CLVS2: variants seen among roughly 807,000 people sequenced by gnomAD.
CLVS2 encodes the protein clavesin-2.
Under a neutral mutation model 29.0 loss-of-function variants are expected in CLVS2, and 19 were observed. The observed-to-expected ratio is 0.66, with a 90% CI of 0.46 to 0.96. The LOEUF (loss-of-function observed/expected upper bound fraction) is 0.96. Among genes scored for constraint, CLVS2 ranks in the 40% least tolerant of loss-of-function variants. The pLI is 0.00. For missense variants in CLVS2, 294 were observed against 404.1 expected, an observed-to-expected ratio of 0.73 and a Z score of 2.34; for synonymous variants, 161 against 151.3, an observed-to-expected ratio of 1.06 and a Z score of -0.47.
chr6:122,997,568 G>A lies in CLVS2; in HGVS notation c.-210G>A. ...TGTATTTTAGGGGGCAGAGGAAGAA[G>A]TTTACACCCCCCGGCCCCCCCAGCT... On this transcript the variant is annotated 5_prime_UTR_variant, in exon 2 of 6. Coordinates refer to ENST00000275162, the MANE Select transcript of CLVS2 (RefSeq NM_001010852.4). 1 of 605,234 alleles carries A rather than the reference G, an allele frequency of 1.7e-6. No individual in the cohort carries two copies. Among genetic ancestry groups the A allele is most frequent in the Non-Finnish European group, 3.0e-6 (1 of 336,522 alleles). The allele number at this position is 605,234 out of a possible 1,614,324, so 37.5% of individuals were successfully genotyped here.
chr6:123,012,365 T>C (rs1774761298), intron 3 of CLVS2, among the ~76,000 whole-genome samples: 1 of 152,006 alleles, frequency 6.6e-6, no homozygotes, highest in South Asian at 2.1e-4. Flanking sequence ...CTGTGTTACC[T>C]AACACAGAAT....
intron 5 of CLVS2, among the ~76,000 whole-genome samples, chr6:123,059,992 T>G (rs1772752158): frequency 6.6e-6 from 1 of 152,194 alleles, no homozygotes; most frequent in African/African-American, 2.4e-5. Flanking sequence ...TATGGAAAAC[T>G]GAAAAATGAG....
intron 5 of CLVS2, among the ~76,000 whole-genome samples, chr6:123,056,305 C>T (rs996530016): frequency 5.9e-5 from 9 of 152,052 alleles, no homozygotes; most frequent in African/African-American, 2.2e-4. Flanking sequence ...TGATAGATCT[C>T]CCAAACTTAT....
intron 2 of CLVS2, among the ~76,000 whole-genome samples, chr6:123,007,499 C>A (rs1015203861): frequency 1.3e-5 from 2 of 152,104 alleles, no homozygotes; most frequent in African/African-American, 4.8e-5. Flanking sequence ...TCCTACTGTG[C>A]AAGGAAGACT....
At chr6:123,055,642 A>G (rs1212350271) in intron 4 of CLVS2, among the ~76,000 whole-genome samples, 164 bp from the exon 5 acceptor site, 1 of 152,184 alleles carries the variant, frequency 6.6e-6, no homozygotes, top group Admixed American at 6.5e-5. Flanking sequence ...GGATAACAGT[A>G]CCAGCTCTGC....
intron 4 of CLVS2, among the ~76,000 whole-genome samples, chr6:123,049,776 A>C (rs989148803): frequency 2.7e-5 from 4 of 146,246 alleles, no homozygotes; most frequent in Non-Finnish European, 6.0e-5. Context: ...AGGAAGGGGA[A>C]TATCACACAC....
At chr6:123,038,541 C>T (rs1021314598) in intron 3 of CLVS2, among the ~76,000 whole-genome samples, 1 of 152,014 alleles carries the variant, frequency 6.6e-6, no homozygotes, top group Non-Finnish European at 1.5e-5. Flanking sequence ...CATTTCAGAA[C>T]ATTTGCAAAA....
At position 123,032,014 on chromosome 6, in the gene CLVS2, C is replaced by T. The variant is rs1582654757; in HGVS notation, c.565-16608C>T. ...ACTTTTTTGGGCAATTATTTCTATT[C>T]TTTTAAAAATTATTCTTTTAGCCCA... On this transcript the variant is annotated intron_variant, in intron 3 of 5. Coordinates refer to ENST00000275162, the MANE Select transcript of CLVS2 (RefSeq NM_001010852.4). Among the ~76,000 whole-genome samples, 8 of 152,126 alleles carry T rather than the reference C, an allele frequency of 5.3e-5. 1 individual carries two copies. The South Asian group carries it at 1.7e-3, about 32-fold the overall frequency.
rs889674638 is a variant in CLVS2 at position 122,996,526 on chromosome 6, C to T, written c.-780C>T. 4 of 152,826 alleles carry T rather than the reference C, an allele frequency of 2.6e-5. No individual in the cohort carries two copies. Among genetic ancestry groups the T allele is most frequent in the African/African-American group, 7.2e-5 (3 of 41,456 alleles). The allele number at this position is 152,826 out of a possible 1,614,324, so 9.5% of individuals were successfully genotyped here. ...CCCTAGCCCTGCGATCCTCACCCCT[C>T]CTGCTAGGAGAGGCTGCGGGCTGCC... On this transcript the variant is annotated 5_prime_UTR_variant, in exon 1 of 6. Coordinates refer to ENST00000275162, the MANE Select transcript of CLVS2 (RefSeq NM_001010852.4).
chr6:123,042,766 G>A (rs1775251202), intron 3 of CLVS2, among the ~76,000 whole-genome samples: 1 of 152,164 alleles, frequency 6.6e-6, no homozygotes, highest in Admixed American at 6.5e-5. Context: ...CTGTCCACTA[G>A]TGATAATGAG....
At chr6:123,063,582 T>G (rs989662210) in intron 5 of CLVS2, 92 bp from the exon 6 acceptor site, 6 of 721,954 alleles carry the variant, frequency 8.3e-6, no homozygotes, top group Non-Finnish European at 1.4e-5. Flanking sequence ...GGAATTCACA[T>G]TCCTGGGAGA....
At chr6:123,049,804 T>TGGGGGAGG (rs1772575990) in intron 4 of CLVS2, among the ~76,000 whole-genome samples, 1 of 118,932 alleles carries the variant, frequency 8.4e-6, no homozygotes, top group Non-Finnish European at 1.8e-5. Context: ...TGTTGTGGGA[T>TGGGGGAGG]GGGGGGCGGG....
intron 4 of CLVS2, among the ~76,000 whole-genome samples, chr6:123,054,752 A>G (rs981361306): frequency 5.3e-5 from 8 of 152,182 alleles, no homozygotes; most frequent in African/African-American, 1.9e-4. Context: ...TTGAAACTGA[A>G]ATGAAAGAAG....
chr6:123,019,809 G>A (rs1465922715), intron 3 of CLVS2, among the ~76,000 whole-genome samples: 1 of 152,000 alleles, frequency 6.6e-6, no homozygotes, highest in African/African-American at 2.4e-5. Context: ...CCAAGCTTGA[G>A]ACCTTGCAGG....
intron 2 of CLVS2, among the ~76,000 whole-genome samples, chr6:123,001,467 C>T (rs193212938): frequency 6.6e-6 from 1 of 152,240 alleles, no homozygotes; most frequent in East Asian, 1.9e-4. Context: ...TTCCAAAAAA[C>T]AATAGGGCAA....
chr6:123,031,384 G>A (rs1775082085), intron 3 of CLVS2, among the ~76,000 whole-genome samples: 1 of 152,120 alleles, frequency 6.6e-6, no homozygotes, highest in Non-Finnish European at 1.5e-5. Flanking sequence ...GGAGATGTTG[G>A]TCAAAAGACA....
intron 3 of CLVS2, among the ~76,000 whole-genome samples, chr6:123,033,760 T>A (rs943050622): frequency 4.5e-4 from 69 of 151,980 alleles, no homozygotes; most frequent in African/African-American, 1.6e-3. Context: ...AACATCCTGT[T>A]AAAAGGATGA....
At chr6:123,039,681 T>C (rs1258986358) in intron 3 of CLVS2, among the ~76,000 whole-genome samples, 1 of 152,208 alleles carries the variant, frequency 6.6e-6, no homozygotes, top group Non-Finnish European at 1.5e-5. Flanking sequence ...CCATCTGTTA[T>C]CAGCCTTCTC....
At chr6:123,056,803 C>T (rs888091269) in intron 5 of CLVS2, among the ~76,000 whole-genome samples, 13 of 152,236 alleles carry the variant, frequency 8.5e-5, no homozygotes, top group Non-Finnish European at 1.9e-4. Flanking sequence ...AGTTCAAACA[C>T]TGTGTTCAAA....
Sources: gnomAD v4.1 joint callset for allele counts (sites outside exome capture counted in the v4.1 genomes callset) on GRCh38, gnomAD v4.1.1 for gene constraint, MANE v1.5 for transcripts, NCBI Gene and HGNC (gene_info 2026-07-23, HGNC 2026-07-21) for gene names.